FUNDC2: variants seen among roughly 807,000 people sequenced by gnomAD.
FUNDC2 encodes the protein FUN14 domain-containing protein 2.
A neutral mutation model predicts 15.6 loss-of-function variants in FUNDC2; 4 were observed. That is an observed-to-expected ratio of 0.26 (90% CI 0.13 to 0.59). The LOEUF is 0.59. Ranked by LOEUF, FUNDC2 falls within the 20% of genes least tolerant of loss-of-function variation. FUNDC2 has a pLI of 0.90. For synonymous variants in FUNDC2, 44 were observed against 56.9 expected, an observed-to-expected ratio of 0.77 and a Z score of 1.02; for missense variants, 98 against 149.7, an observed-to-expected ratio of 0.65 and a Z score of 1.80.
chrX:155,028,094 T>C (rs1188022954), intron 1 of FUNDC2, among the ~76,000 whole-genome samples: 1 of 111,607 alleles, frequency 9.0e-6, no homozygotes, highest in Non-Finnish European at 1.9e-5. Context: ...TTATAGACTT[T>C]TATAAGAGCA....
At chrX:155,047,039 A>G (rs782039094) in intron 3 of FUNDC2, 1 of 213,957 alleles carries the variant, frequency 4.7e-6, no homozygotes, top group Admixed American at 6.0e-5. Context: ...TTTCAGAACC[A>G]GTGGTTGCCA....
At chrX:155,054,325 C>G in intron 4 of FUNDC2, 2 of 754,000 alleles carry the variant, frequency 2.7e-6, no homozygotes, top group Non-Finnish European at 3.1e-6. Context: ...GCCATTGTCT[C>G]TACCTCCTGA....
chrX:155,051,828 T>C, intron 4 of FUNDC2, 27 bp downstream of exon 4: 6 of 1,203,702 alleles, frequency 5.0e-6, no homozygotes, highest in Non-Finnish European at 6.8e-6. Flanking sequence ...TCACGTGTAG[T>C]GTGTGAACAG....
chrX:155,043,087 T>C (rs2073852699), intron 2 of FUNDC2, among the ~76,000 whole-genome samples: 1 of 111,166 alleles, frequency 9.0e-6, no homozygotes, highest in South Asian at 3.8e-4. Context: ...AGGTGCATGC[T>C]ACCGTGCCTG....
At chrX:155,045,231 A>C (rs1223042257) in intron 2 of FUNDC2, among the ~76,000 whole-genome samples, 4 of 111,790 alleles carry the variant, frequency 3.6e-5, no homozygotes, top group Admixed American at 2.8e-4. Flanking sequence ...GATGTGGGTC[A>C]AAGGATACAA....
rs2073906659 is a variant in FUNDC2, at chrX:155,057,043, GC to G, written c.*2372del. 1 of 96,369 alleles carries G rather than the reference GC, an allele frequency of 1.0e-5. No homozygotes were observed. The highest frequency in any genetic ancestry group is 3.8e-5 in the African/African-American group (1 of 26,316). 7.9% of individuals were successfully genotyped at this position (96,369 alleles called of 1,213,427 possible). A position where few individuals can be genotyped will look rare whatever the true frequency, so the allele number is the denominator to read the frequency against. ...CAGTATTGCAGGTTGGCCTCATCCT[GC>G]TAGTATGAGAACGGCTGTGAGTTCT... On this transcript the variant is annotated 3_prime_UTR_variant, in exon 5 of 5. Coordinates refer to ENST00000369498, the MANE Select transcript of FUNDC2 (RefSeq NM_023934.4).
Position 155,037,643 on chromosome X carries a change from C to T in FUNDC2, c.284+4090C>T, listed in dbSNP as rs782496031. Among the ~76,000 whole-genome samples the T allele has an allele frequency of 9.1e-5, 10 of 109,848 alleles. No individual in the cohort carries two copies. In the South Asian group the frequency reaches 3.2e-3, roughly 35 times the overall value. ...GGACTACAGGCGTGAACCATCACACCGGGCTAATTTTTGTATTTTTAGTAG... is the reference window on the plus strand; with the variant it reads ...GGACTACAGGCGTGAACCATCACACTGGGCTAATTTTTGTATTTTTAGTAG... On this transcript the variant is annotated intron_variant, in intron 2 of 4. Transcript: ENST00000369498.
At chrX:155,042,934 G>A (rs1408284392) in intron 2 of FUNDC2, among the ~76,000 whole-genome samples, 1 of 111,218 alleles carries the variant, frequency 9.0e-6, no homozygotes, top group Non-Finnish European at 1.9e-5. Flanking sequence ...ATTTCTATAA[G>A]TTTGATTTGC....
chrX:155,054,100 T>C, intron 4 of FUNDC2: 2 of 753,005 alleles, frequency 2.7e-6, no homozygotes, highest in Non-Finnish European at 3.1e-6. Flanking sequence ...AGCATCTACC[T>C]GGGAGCAGGT....
At chrX:155,042,229 C>T (rs1203050866) in intron 2 of FUNDC2, among the ~76,000 whole-genome samples, 1 of 81,763 alleles carries the variant, frequency 1.2e-5, no homozygotes, top group Non-Finnish European at 2.2e-5. Flanking sequence ...CTCTGTCACC[C>T]AGACTGGAAT....
chrX:155,033,305 G>T, intron 1 of FUNDC2, 98 bp from the exon 2 acceptor site: 1 of 667,418 alleles, frequency 1.5e-6, no homozygotes, highest in Non-Finnish European at 2.2e-6. Context: ...AGAATATTTG[G>T]AGGTTTCTTA....
chrX:155,042,078 AAAAAAAAAG>A (rs1432767161), intron 2 of FUNDC2, among the ~76,000 whole-genome samples: 7 of 106,076 alleles, frequency 6.6e-5, no homozygotes, highest in African/African-American at 1.7e-4. Context: ...CAAAAAAAAA[AAAAAAAAAG>A]AAAAAAAAGA....
intron 3 of FUNDC2, among the ~76,000 whole-genome samples, chrX:155,048,866 C>T (rs1162287359): frequency 1.2e-4 from 14 of 112,091 alleles, no homozygotes; most frequent in African/African-American, 4.2e-4. Flanking sequence ...GTGGATGATA[C>T]GATTTTTAAA....
chrX:155,042,088 A>G (rs2073848524), intron 2 of FUNDC2, among the ~76,000 whole-genome samples: 1 of 104,070 alleles, frequency 9.6e-6, no homozygotes, highest in Admixed American at 1.0e-4. Flanking sequence ...AAAAAAAAAG[A>G]AAAAAAAGAA....
intron 2 of FUNDC2, among the ~76,000 whole-genome samples, chrX:155,038,568 A>T (rs1161508551): frequency 3.6e-5 from 4 of 111,592 alleles, no homozygotes; most frequent in Non-Finnish European, 5.7e-5. Flanking sequence ...TATGAATTTG[A>T]CTTTTTTTAG....
Position 155,054,767 on chromosome X carries a change from A to T in FUNDC2, c.*95A>T, listed in dbSNP as rs1290433668. The stretch of plus-strand genomic sequence containing the variant: ...ATCGAGTCCCTCCTCCTCTTCTCCC[A>T]TGCCTTCTTCCCTGCCATGGCAAAT... On this transcript the variant is annotated 3_prime_UTR_variant, in exon 5 of 5. Transcript: ENST00000369498. 1 of 763,395 alleles carries T rather than the reference A, an allele frequency of 1.3e-6. No individual in the cohort carries two copies. Among genetic ancestry groups the T allele is most frequent in the African/African-American group, 2.1e-5 (1 of 48,020 alleles). The allele number at this position is 763,395 out of a possible 1,213,427, so 62.9% of individuals were successfully genotyped here.
At chrX:155,034,837 C>T (rs782419578) in intron 2 of FUNDC2, among the ~76,000 whole-genome samples, 2 of 111,911 alleles carry the variant, frequency 1.8e-5, no homozygotes, top group Admixed American at 9.5e-5. Context: ...TCGACTTTTA[C>T]GTATGTTTGT....
chrX:155,029,019 C>G (rs1290844086), intron 1 of FUNDC2, among the ~76,000 whole-genome samples: 2 of 111,730 alleles, frequency 1.8e-5, no homozygotes, highest in African/African-American at 6.5e-5. Context: ...CTCCTCCCAC[C>G]CAGGGGTGGG....
intron 1 of FUNDC2, among the ~76,000 whole-genome samples, chrX:155,029,268 A>G (rs1428208451): frequency 8.9e-6 from 1 of 112,258 alleles, no homozygotes; most frequent in Non-Finnish European, 1.9e-5. Context: ...CTAAAGCCTC[A>G]GACATGAAAC....
Sources: allele counts gnomAD v4.1 joint callset (sites outside exome capture counted in the v4.1 genomes callset), GRCh38; gene constraint gnomAD v4.1.1; transcripts MANE v1.5; gene names NCBI Gene and HGNC (gene_info 2026-07-23, HGNC 2026-07-21).